Variants in PGCKA1 observed in about 807,000 individuals in gnomAD.
The protein encoded by PGCKA1 is PDCD10 and GCKIII kinases-associated protein 1.
chr4:37,574,959 C>A, the PGCKA1 span, among the ~76,000 whole-genome samples: 1 of 152,136 alleles, frequency 6.6e-6, no homozygotes, highest in African/African-American at 2.4e-5. Context: ...TTTTTCATGG[C>A]TGAATAGTTC....
At chr4:37,494,325 A>G in the PGCKA1 span, among the ~76,000 whole-genome samples, 5 of 151,934 alleles carry the variant, frequency 3.3e-5, no homozygotes, top group Non-Finnish European at 7.4e-5. Flanking sequence ...TTTGCTCTCT[A>G]TGTATCCATG....
chr4:37,563,565 C>T, the PGCKA1 span, among the ~76,000 whole-genome samples: 68,987 of 151,944 alleles, frequency 0.45, 16,506 homozygotes, highest in South Asian at 0.54. Context: ...TCTCTAATTA[C>T]ACTCACAATG....
the PGCKA1 span, among the ~76,000 whole-genome samples, chr4:37,535,997 T>C: frequency 6.6e-6 from 1 of 152,238 alleles, no homozygotes; most frequent in Non-Finnish European, 1.5e-5. Context: ...TTAAATGAGA[T>C]CATGCACATA....
the PGCKA1 span, among the ~76,000 whole-genome samples, chr4:37,508,181 C>T: frequency 6.6e-6 from 1 of 152,000 alleles, no homozygotes; most frequent in African/African-American, 2.4e-5. Flanking sequence ...TATTAAATGC[C>T]TTGAGGTAGT....
At chr4:37,532,596 A>G in the PGCKA1 span, among the ~76,000 whole-genome samples, 1 of 152,220 alleles carries the variant, frequency 6.6e-6, no homozygotes, top group Admixed American at 6.5e-5. Context: ...AACCAGTTGT[A>G]AAACATTTGC....
the PGCKA1 span, among the ~76,000 whole-genome samples, chr4:37,562,593 T>C: frequency 6.6e-6 from 1 of 152,212 alleles, no homozygotes; most frequent in African/African-American, 2.4e-5. Context: ...CACATAGTTC[T>C]CCTGGAATGT....
the PGCKA1 span, among the ~76,000 whole-genome samples, chr4:37,512,917 C>T: frequency 6.6e-6 from 1 of 152,050 alleles, no homozygotes; most frequent in East Asian, 2.0e-4. Context: ...GGAAAAACCC[C>T]ATCTCTGCTA....
chr4:37,592,320 A>C, the PGCKA1 span, among the ~76,000 whole-genome samples: 1 of 150,592 alleles, frequency 6.6e-6, no homozygotes, highest in Non-Finnish European at 1.5e-5. Context: ...ATTCGAGACC[A>C]ACCTGGGCAA....
the PGCKA1 span, among the ~76,000 whole-genome samples, chr4:37,551,546 C>A: frequency 6.2e-4 from 95 of 152,292 alleles, no homozygotes; most frequent in African/African-American, 2.2e-3. Context: ...TAGATTGGCT[C>A]TCGACTACTT....
the PGCKA1 span, among the ~76,000 whole-genome samples, chr4:37,488,621 C>A: frequency 6.6e-6 from 1 of 152,146 alleles, no homozygotes; most frequent in Non-Finnish European, 1.5e-5. Flanking sequence ...AGTGTGGGAA[C>A]TCTCCTGCCA....
the PGCKA1 span, among the ~76,000 whole-genome samples, chr4:37,589,368 AT>A: frequency 6.6e-6 from 1 of 152,238 alleles, no homozygotes; most frequent in Non-Finnish European, 1.5e-5. Context: ...AATAAGCTGT[AT>A]TCCACTGTAA....
the PGCKA1 span, among the ~76,000 whole-genome samples, chr4:37,577,828 G>A: frequency 2.6e-5 from 4 of 152,086 alleles, no homozygotes; most frequent in East Asian, 7.7e-4. Context: ...AGAGCTTATT[G>A]TTGAATTTCC....
chr4:37,503,311 G>A, the PGCKA1 span, among the ~76,000 whole-genome samples: 4 of 152,182 alleles, frequency 2.6e-5, no homozygotes, highest in Admixed American at 1.3e-4. Context: ...TCCCACCTCA[G>A]CTTGGCTTCA....
chr4:37,490,234 G>A, the PGCKA1 span, among the ~76,000 whole-genome samples: 1 of 152,140 alleles, frequency 6.6e-6, no homozygotes, highest in East Asian at 1.9e-4. Context: ...CCAATTTATG[G>A]GTGAGGAACC....
chr4:37,565,608 C>A, the PGCKA1 span, among the ~76,000 whole-genome samples: 1,982 of 152,266 alleles, frequency 0.013, 29 homozygotes, highest in East Asian at 0.046. Flanking sequence ...TGTGAAGAGG[C>A]CTCTGTAGAA....
At chr4:37,497,597 A>G in the PGCKA1 span, among the ~76,000 whole-genome samples, 1 of 152,098 alleles carries the variant, frequency 6.6e-6, no homozygotes. Flanking sequence ...GTGGTATCGC[A>G]TTGTGGCTTT....
At chr4:37,517,655 G>C in the PGCKA1 span, among the ~76,000 whole-genome samples, 1 of 152,078 alleles carries the variant, frequency 6.6e-6, no homozygotes, top group Admixed American at 6.5e-5. Context: ...GATATTTATG[G>C]GGTACATGAG....
the PGCKA1 span, chr4:37,590,886 T>C: frequency 3.1e-6 from 5 of 1,614,220 alleles, no homozygotes; most frequent in South Asian, 4.4e-5. Context: ...AGGATACCCA[T>C]GGCTCCGATG....
chr4:37,506,654 A>C, the PGCKA1 span, among the ~76,000 whole-genome samples: 1 of 147,346 alleles, frequency 6.8e-6, no homozygotes, highest in African/African-American at 2.5e-5. Context: ...GCTTGATATT[A>C]TTTCCATTAT....
Sources: gnomAD v4.1 joint callset for allele counts (sites outside exome capture counted in the v4.1 genomes callset) on GRCh38, gnomAD v4.1.1 for gene constraint, MANE v1.5 for transcripts, NCBI Gene and HGNC (gene_info 2026-07-23, HGNC 2026-07-21) for gene names.